Variants in RNF122 observed in about 807,000 individuals in gnomAD.
The protein encoded by RNF122 is ring finger protein 122.
In RNF122, 17 loss-of-function variants were observed where a neutral mutation model predicts 24.2. The observed-to-expected ratio is 0.70, with a 90% confidence interval of 0.48 to 1.06. RNF122 has a LOEUF of 1.06. Ranked by LOEUF, RNF122 falls within the 50% of genes least tolerant of loss-of-function variation. The pLI is 0.00. For missense variants in RNF122, 168 were observed against 198.1 expected (o/e 0.85, Z 0.91); for synonymous variants, 65 against 71.8 (o/e 0.91, Z 0.48).
rs1173666113 is a variant in RNF122 at position 33,567,018 on chromosome 8, G to A, written c.-295C>T. 2 of 475,932 alleles carry A rather than the reference G, an allele frequency of 4.2e-6. No individual in the cohort carries two copies. Among genetic ancestry groups the A allele is most frequent in the Non-Finnish European group, 7.6e-6 (2 of 264,340 alleles). 29.5% of individuals were successfully genotyped at this position (475,932 alleles called of 1,614,324 possible). ...GAATGTGGGGCGCCGCGGGGCGGGG[G>A]TGCCCGGGCTGCAGAAGCCCTCGGC... On this transcript the variant is annotated 5_prime_UTR_variant, in exon 1 of 6. Coordinates refer to ENST00000256257, the MANE Select transcript of RNF122 (RefSeq NM_024787.3).
rs982581362 is a variant in RNF122 at position 33,566,821 on chromosome 8, G to T, written c.-98C>A. 9.4e-6 allele frequency: 13 copies of T among 1,389,166 alleles called. No homozygotes were observed. In the African/African-American group the frequency reaches 1.9e-4, roughly 20 times the overall value. 86.1% of individuals were successfully genotyped at this position (1,389,166 alleles called of 1,614,324 possible). A position where few individuals can be genotyped will look rare whatever the true frequency, so the allele number is the denominator to read the frequency against. Reference sequence around the variant, plus strand: ...TAGCGGCGTGAGGGGCCGCAGGCGGGGTCGGGGCAGCGCGCTGCAGCCGCC... The same window carrying T: ...TAGCGGCGTGAGGGGCCGCAGGCGGTGTCGGGGCAGCGCGCTGCAGCCGCC... On this transcript the variant is annotated 5_prime_UTR_variant, in exon 1 of 6. Coordinates refer to ENST00000256257, the MANE Select transcript of RNF122 (RefSeq NM_024787.3).
At chr8:33,550,065 C>A (rs1450237894) in intron 4 of RNF122, among the ~76,000 whole-genome samples, 1 of 152,052 alleles carries the variant, frequency 6.6e-6, no homozygotes, top group East Asian at 1.9e-4. Flanking sequence ...TCCCAAGTAA[C>A]TGGGATTACA....
chr8:33,548,489 T>C lies in RNF122; in HGVS notation c.*264A>G, dbSNP rs1810321075. ...CCAGAACAGGGACAAGGCAGGTAGA[T>C]AGTCCAGTACCAGGAGACAGTGGTC... On this transcript the variant is annotated 3_prime_UTR_variant, in exon 6 of 6. Transcript: ENST00000256257. The C allele has an allele frequency of 8.3e-6, 3 of 360,450 alleles. No individual in the cohort carries two copies. The highest frequency in any genetic ancestry group is 8.0e-4 in the Middle Eastern group (1 of 1,254). 22.3% of individuals were successfully genotyped at this position (360,450 alleles called of 1,614,324 possible).
rs373154622 is a variant in RNF122, at chr8:33,549,548, A to G, written c.271-56T>C. 7.5e-6 allele frequency: 10 copies of G among 1,340,196 alleles called. No homozygotes were observed. In the African/African-American group the frequency reaches 1.4e-4, roughly 19 times the overall value. 83.0% of individuals were successfully genotyped at this position (1,340,196 alleles called of 1,614,324 possible). A position where few individuals can be genotyped will look rare whatever the true frequency, so the allele number is the denominator to read the frequency against. ...AACTGGGGAACCATCTCACTCATTCAACCCCAGACAAGAAAACTAAGCTCT... is the reference window on the plus strand; with the variant it reads ...AACTGGGGAACCATCTCACTCATTCGACCCCAGACAAGAAAACTAAGCTCT... On this transcript the variant is annotated intron_variant, in intron 4 of 5. Transcript: ENST00000256257.
At chr8:33,563,233 C>T (rs1167856962) in intron 1 of RNF122, among the ~76,000 whole-genome samples, 2 of 152,084 alleles carry the variant, frequency 1.3e-5, no homozygotes, top group African/African-American at 4.8e-5. Context: ...AACTAGTTAA[C>T]AGATAAATAA....
At position 33,566,823 on chromosome 8, in the gene RNF122, T is replaced by C; in HGVS notation, c.-100A>G. 7.5e-7 allele frequency: 1 copy of C among 1,338,918 alleles called. No homozygotes were observed. Among genetic ancestry groups the C allele is most frequent in the South Asian group, 1.3e-5 (1 of 79,558 alleles). 82.9% of individuals were successfully genotyped at this position (1,338,918 alleles called of 1,614,324 possible). A position where few individuals can be genotyped will look rare whatever the true frequency, so the allele number is the denominator to read the frequency against. ...GCGGCGTGAGGGGCCGCAGGCGGGG[T>C]CGGGGCAGCGCGCTGCAGCCGCCCT... On this transcript the variant is annotated 5_prime_UTR_variant, in exon 1 of 6. Transcript: ENST00000256257.
At chr8:33,558,832 CTG>C in intron 1 of RNF122, 61 bp from the exon 2 acceptor site, 1 of 1,359,346 alleles carries the variant, frequency 7.4e-7, no homozygotes, top group Non-Finnish European at 9.9e-7. Flanking sequence ...GCTGATAGCA[CTG>C]TGTCAGCAGG....
intron 4 of RNF122, among the ~76,000 whole-genome samples, chr8:33,550,417 A>G (rs578184307): frequency 5.9e-5 from 9 of 152,346 alleles, no homozygotes; most frequent in Non-Finnish European, 1.3e-4. Context: ...CTGCTCCCAG[A>G]CAACCACAAA....
At chr8:33,550,368 G>A (rs999647817) in intron 4 of RNF122, among the ~76,000 whole-genome samples, 31 of 152,320 alleles carry the variant, frequency 2.0e-4, no homozygotes, top group African/African-American at 7.0e-4. Flanking sequence ...ATGAGGCCAC[G>A]TCTAGGCAGT....
At position 33,553,732 on chromosome 8, in the gene RNF122, G is replaced by A. The variant is rs559414844; in HGVS notation, c.183-2343C>T. 2.0e-5 allele frequency among the ~76,000 whole-genome samples: 3 copies of A among 152,366 alleles called. No individual in the cohort carries two copies. In the South Asian group the frequency reaches 6.2e-4, roughly 32 times the overall value. ...TGCTCCCTGGGTAATGGAAGAGGCA[G>A]AAGATGGGGGCACAGCCAGGCCCGT... On this transcript the variant is annotated intron_variant, in intron 2 of 5. Transcript: ENST00000256257.
At chr8:33,558,810 A>C in intron 1 of RNF122, 39 bp from the exon 2 acceptor site, 1 of 1,504,744 alleles carries the variant, frequency 6.6e-7, no homozygotes, top group Non-Finnish European at 9.0e-7. Context: ...AGGGTTGGAA[A>C]TTTACTGCTG....
chr8:33,566,621 G>T (rs1168781603), intron 1 of RNF122, 78 bp downstream of exon 1: 32 of 1,440,006 alleles, frequency 2.2e-5, no homozygotes, highest in African/African-American at 2.8e-5. Context: ...GGACCAGCGC[G>T]CTGCTGTCCG....
chr8:33,558,828 A>T, intron 1 of RNF122, 57 bp from the exon 2 acceptor site: 1 of 1,397,042 alleles, frequency 7.2e-7, no homozygotes, highest in East Asian at 2.3e-5. Flanking sequence ...CTGGGCTGAT[A>T]GCACTGTGTC....
At chr8:33,550,634 G>A (rs943895496) in intron 4 of RNF122, among the ~76,000 whole-genome samples, 1 of 152,174 alleles carries the variant, frequency 6.6e-6, no homozygotes, top group Non-Finnish European at 1.5e-5. Flanking sequence ...GTCAGATCTA[G>A]TCTGTTAAGA....
Position 33,548,507 on chromosome 8 carries a change from C to G in RNF122, c.*246G>C, listed in dbSNP as rs770417238. ...AGGTAGATAGTCCAGTACCAGGAGA[C>G]AGTGGTCTTGATGGGTGAGGCCACC... On this transcript the variant is annotated 3_prime_UTR_variant, in exon 6 of 6. Transcript: ENST00000256257. 5 of 421,562 alleles carry G rather than the reference C, an allele frequency of 1.2e-5. No individual in the cohort carries two copies. The highest frequency in any genetic ancestry group is 9.9e-5 in the African/African-American group (5 of 50,480). 26.1% of individuals were successfully genotyped at this position (421,562 alleles called of 1,614,324 possible). A position where few individuals can be genotyped will look rare whatever the true frequency, so the allele number is the denominator to read the frequency against.
intron 1 of RNF122, among the ~76,000 whole-genome samples, chr8:33,561,479 T>C (rs1322053160): frequency 2.6e-5 from 4 of 151,658 alleles, no homozygotes; most frequent in Admixed American, 2.0e-4. Flanking sequence ...GTTGATGTCA[T>C]CCCTGTTTCT....
chr8:33,564,762 C>T (rs1312164601), intron 1 of RNF122, among the ~76,000 whole-genome samples: 2 of 152,006 alleles, frequency 1.3e-5, no homozygotes, highest in African/African-American at 2.4e-5. Context: ...ATCCCAGGTA[C>T]TCGGGAAGCT....
At chr8:33,559,133 T>TAA (rs754333381) in intron 1 of RNF122, among the ~76,000 whole-genome samples, 2 of 150,130 alleles carry the variant, frequency 1.3e-5, no homozygotes, top group Non-Finnish European at 3.0e-5. Flanking sequence ...ACCCCATCTC[T>TAA]AAAAAAAAAT....
chr8:33,563,517 T>C (rs1042626992), intron 1 of RNF122, among the ~76,000 whole-genome samples: 2 of 152,202 alleles, frequency 1.3e-5, no homozygotes, highest in Non-Finnish European at 2.9e-5. Flanking sequence ...AGGAAGTTCC[T>C]TGTGTCTAGG....
Sources: allele counts gnomAD v4.1 joint callset (sites outside exome capture counted in the v4.1 genomes callset), GRCh38; gene constraint gnomAD v4.1.1; transcripts MANE v1.5; gene names NCBI Gene and HGNC (gene_info 2026-07-23, HGNC 2026-07-21).